The following KASH5 variants were observed in gnomAD, a reference collection of about 807,000 sequenced individuals.
The protein encoded by KASH5 is KASH domain containing 5.
A neutral mutation model predicts 84.2 loss-of-function variants in KASH5; 72 were observed. The observed-to-expected ratio is 0.85, with a 90% CI of 0.71 to 1.04. KASH5 has a LOEUF of 1.04. Ranked by LOEUF, KASH5 falls within the 50% of genes least tolerant of loss-of-function variation. KASH5 has a pLI of 0.00. For synonymous variants in KASH5, 260 were observed against 279.1 expected (o/e 0.93, Z 0.68); for missense variants, 650 against 701.0 (o/e 0.93, Z 0.82).
In KASH5 at chr19:49,399,185, T is replaced by A. The variant is rs1482918146; in HGVS notation, c.747+43T>A. ...GAAGGAAGGTGCCCTCTCTCTTCTT[T>A]GTTTCCTGGAGTCAGGGCGGCAGAG... On this transcript the variant is annotated intron_variant, in intron 8 of 19. Coordinates refer to ENST00000447857, the MANE Select transcript of KASH5 (RefSeq NM_144688.5). This position sits in a 1 kb window ranked among gnomAD's most constrained non-coding sequence, Gnocchi z 4.4. 6.7e-7 allele frequency: 1 copy of A among 1,491,756 alleles called. No homozygotes were observed. The highest frequency in any genetic ancestry group is 9.0e-7 in the Non-Finnish European group (1 of 1,105,438). 92.4% of individuals were successfully genotyped at this position (1,491,756 alleles called of 1,614,324 possible).
chr19:49,405,599 C>A (rs929077685), intron 9 of KASH5, among the ~76,000 whole-genome samples: 4 of 152,012 alleles, frequency 2.6e-5, no homozygotes, highest in African/African-American at 9.7e-5. Flanking sequence ...GAGATAAATG[C>A]TGGAGTAACT....
At chr19:49,398,253 T>A in intron 7 of KASH5, 110 bp downstream of exon 7, 1 of 883,156 alleles carries the variant, frequency 1.1e-6, no homozygotes, top group Non-Finnish European at 1.7e-6. Flanking sequence ...TTTGACTCTG[T>A]ACCTGTCCTT....
At chr19:49,410,101 C>T (rs377569756) in intron 15 of KASH5, among the ~76,000 whole-genome samples, 3 of 152,240 alleles carry the variant, frequency 2.0e-5, no homozygotes, top group South Asian at 4.1e-4. Context: ...GTGAACCAAG[C>T]AAACACACAA....
At chr19:49,413,461 T>G (rs1974791813) in intron 16 of KASH5, among the ~76,000 whole-genome samples, 3 of 152,162 alleles carry the variant, frequency 2.0e-5, no homozygotes, top group African/African-American at 7.2e-5. Context: ...GGGCCCACCC[T>G]CCTCCGGGGC....
At position 49,414,824 on chromosome 19, in the gene KASH5, C is replaced by G. The variant is rs982097458; in HGVS notation, c.1329-127C>G. The stretch of plus-strand genomic sequence containing the variant: ...CCCGTCCGTGCTGCCTGGCCTCCCC[C>G]AGGCCCGTCCGTGCTGCCTGGCCTG... On this transcript the variant is annotated intron_variant, in intron 16 of 19. Transcript: ENST00000447857. The surrounding 1 kb of genome is among the most constrained non-coding windows in gnomAD (Gnocchi z 4.5). 3.0e-6 allele frequency: 3 copies of G among 984,138 alleles called. No individual in the cohort carries two copies. In the Admixed American group the frequency reaches 6.0e-5, roughly 20 times the overall value. 61.0% of individuals were successfully genotyped at this position (984,138 alleles called of 1,614,324 possible).
In KASH5 at chr19:49,397,731, C is replaced by T; in HGVS notation, c.467+14C>T. On this transcript the variant is annotated intron_variant, in intron 6 of 19. Coordinates refer to ENST00000447857, the MANE Select transcript of KASH5 (RefSeq NM_144688.5). ...CAGACCCGAGCTGTACCTATCCTCA[C>T]ACCCCTCCCTGACCCTCCTGCCCAC... is the stretch of plus-strand genomic sequence containing the variant. 2 of 1,613,028 alleles carry T rather than the reference C, an allele frequency of 1.2e-6. No individual in the cohort carries two copies. The highest frequency in any genetic ancestry group is 8.5e-7 in the Non-Finnish European group (1 of 1,179,490).
At position 49,416,969 on chromosome 19, in the gene KASH5, C is replaced by A. The variant is rs964072667; in HGVS notation, c.1375-46C>A. On this transcript the variant is annotated intron_variant, in intron 17 of 19. Coordinates refer to ENST00000447857, the MANE Select transcript of KASH5 (RefSeq NM_144688.5). The surrounding 1 kb of genome is among the most constrained non-coding windows in gnomAD (Gnocchi z 5.4). ...CCAGTGGGCTGACCTGAGCACCTCT[C>A]AGTCCAGAACCCGGTGCCTCCAACG... is the stretch of plus-strand genomic sequence containing the variant. 1.9e-6 allele frequency: 3 copies of A among 1,544,992 alleles called. No individual in the cohort carries two copies. Among genetic ancestry groups the A allele is most frequent in the East Asian group, 2.4e-5 (1 of 41,358 alleles).
rs762824290 is a variant in KASH5 at position 49,397,764 on chromosome 19, C to A, written c.467+47C>A. On this transcript the variant is annotated intron_variant, in intron 6 of 19. Coordinates refer to ENST00000447857, the MANE Select transcript of KASH5 (RefSeq NM_144688.5). ...CCTGACCCTCCTGCCCACACCCTGT[C>A]CCCTCCAGCCTGCCGAGGCCCGGGT... 20 of 1,590,908 alleles carry A rather than the reference C, an allele frequency of 1.3e-5. No homozygotes were observed. The Admixed American group carries it at 1.4e-4, about 11-fold the overall frequency.
In KASH5 at chr19:49,413,433, A is replaced by C. The variant is rs898600506; in HGVS notation, c.1328+407A>C. On this transcript the variant is annotated intron_variant, in intron 16 of 19. Coordinates refer to ENST00000447857, the MANE Select transcript of KASH5 (RefSeq NM_144688.5). ...GCTGTGTCCAGGCCTCTGAGGATGG[A>C]GAACGCACTAGATGACTGGGCCCAC... 1.3e-5 allele frequency among the ~76,000 whole-genome samples: 2 copies of C among 152,170 alleles called. 1 individual carries two copies. Among genetic ancestry groups the C allele is most frequent in the African/African-American group, 4.8e-5 (2 of 41,448 alleles).
At chr19:49,400,214 C>T (rs865813955) in intron 9 of KASH5, among the ~76,000 whole-genome samples, 48 of 117,008 alleles carry the variant, frequency 4.1e-4, no homozygotes, top group Non-Finnish European at 3.4e-4. Flanking sequence ...GATGACAGAG[C>T]GAGAGCCTCT....
intron 17 of KASH5, chr19:49,415,497 T>G: frequency 4.7e-6 from 1 of 211,474 alleles, no homozygotes; most frequent in Non-Finnish European, 9.6e-6. Context: ...GAAAGAAACT[T>G]GGTAAGGAGA....
Position 49,406,783 on chromosome 19 carries a change from A to G in KASH5, c.799-103A>G, listed in dbSNP as rs1974539625. The G allele has an allele frequency of 5.1e-6, 5 of 988,804 alleles. No individual in the cohort carries two copies. The South Asian group carries it at 7.0e-5, about 14-fold the overall frequency. 61.3% of individuals were successfully genotyped at this position (988,804 alleles called of 1,614,324 possible). On this transcript the variant is annotated intron_variant, in intron 9 of 19. Coordinates refer to ENST00000447857, the MANE Select transcript of KASH5 (RefSeq NM_144688.5). ...GGTTAAAACATATGAAGTGCTTAGC[A>G]TGAGGCCTGATGTATATCAATCAAG...
intron 10 of KASH5, 102 bp downstream of exon 10, chr19:49,407,065 A>G (rs758175295): frequency 4.8e-5 from 64 of 1,334,450 alleles, no homozygotes; most frequent in Non-Finnish European, 6.5e-5. Flanking sequence ...AGGGTCTTCC[A>G]TCAAGCTGTC....
rs781745478 is a variant in KASH5 at position 49,407,311 on chromosome 19, G to A, written c.933+15G>A. ...TCCTCTCTGAGGTAAGGGGCCCCGG[G>A]AGGGAAAGAGATTCGCTTTCCATGT... On this transcript the variant is annotated intron_variant, in intron 11 of 19. Transcript: ENST00000447857. 5 of 1,613,264 alleles carry A rather than the reference G, an allele frequency of 3.1e-6. No individual in the cohort carries two copies. In the East Asian group the frequency reaches 8.9e-5, roughly 29 times the overall value.
At chr19:49,396,965 G>A (rs1054568930) in intron 5 of KASH5, among the ~76,000 whole-genome samples, 5 of 151,616 alleles carry the variant, frequency 3.3e-5, no homozygotes, top group African/African-American at 7.3e-5. Flanking sequence ...GAGTCAGGAG[G>A]ATCGCTTGAG....
Position 49,409,845 on chromosome 19 carries a change from G to A in KASH5, c.1239G>A (p.Glu413=), listed in dbSNP as rs1421950875. Residue 413 remains glutamate (E), a synonymous_variant, in exon 15 of 20, where the codon GAG becomes GAA. Transcript: ENST00000447857. The stretch of plus-strand genomic sequence containing the variant: ...TCCATGAGACCAGTGAGGAAACTGA[G>A]TTTCCATCTGAAGCCCCAGCTGGGG... ...EVIHETSEET[E]FPSEAPAGGQ... 5 of 1,613,952 alleles carry A rather than the reference G, an allele frequency of 3.1e-6. No individual in the cohort carries two copies. The highest frequency in any genetic ancestry group is 4.2e-6 in the Non-Finnish European group (5 of 1,179,842).
intron 15 of KASH5, among the ~76,000 whole-genome samples, chr19:49,410,208 A>AGTT (rs1275816306): frequency 6.6e-6 from 1 of 152,250 alleles, no homozygotes; most frequent in African/African-American, 2.4e-5. Flanking sequence ...GGAATAAGTA[A>AGTT]GTTGTTTATT....
chr19:49,406,944 T>C lies in KASH5; in HGVS notation c.857T>C (p.Met286Thr), dbSNP rs1338624156. 2 of 1,598,252 alleles carry C rather than the reference T, an allele frequency of 1.3e-6. No homozygotes were observed. The highest frequency in any genetic ancestry group is 2.3e-5 in the East Asian group (1 of 44,208). ...AAAAAGAGAAGTCAGGAGCTGGCCA[T>C]GGAGAAGGACACTTTGAAGGTGCCA... Reference protein sequence around the residue: ...GVKKRSQELAMEKDTLKRQLF... With the variant: ...GVKKRSQELATEKDTLKRQLF... Residue 286 changes from methionine (M) to threonine (T), a missense_variant, in exon 10 of 20, where the codon ATG (methionine) becomes ACG (threonine). Coordinates refer to ENST00000447857, the MANE Select transcript of KASH5 (RefSeq NM_144688.5).
chr19:49,408,878 G>C, intron 12 of KASH5, 89 bp from the exon 13 acceptor site: 1 of 1,398,396 alleles, frequency 7.2e-7, no homozygotes, highest in Non-Finnish European at 9.9e-7. Context: ...TCAGGAAAGG[G>C]GAAAGAACCC....
Sources: allele counts gnomAD v4.1 joint callset (sites outside exome capture counted in the v4.1 genomes callset), GRCh38; gene constraint gnomAD v4.1.1; non-coding constraint Gnocchi (gnomAD v3.1); transcripts MANE v1.5; gene names NCBI Gene and HGNC (gene_info 2026-07-23, HGNC 2026-07-21).